Variants in DEFB118 observed in about 807,000 individuals in gnomAD.
The protein encoded by DEFB118 is defensin, beta 18.
DEFB118 carries 3 observed loss-of-function variants against 2.8 expected under a neutral mutation model. The ratio of observed to expected loss-of-function variants is 1.09; its 90% CI spans 0.50 to 2.82. The LOEUF (loss-of-function observed/expected upper bound fraction) is 2.82, where lower values mean the gene tolerates loss of function less well. Among genes scored for constraint, DEFB118 ranks in the 30% most tolerant of loss-of-function variants. The probability of loss-of-function intolerance (pLI) is 0.04; values close to 1 mark genes in which losing one functional copy is unlikely to be tolerated. For missense variants in DEFB118, 159 were observed against 144.6 expected (o/e 1.10, Z -0.51); for synonymous variants, 63 against 53.5 (o/e 1.18, Z -0.78).
At chr20:31,372,420 G>A (rs527766805) in intron 1 of DEFB118, among the ~76,000 whole-genome samples, 19 of 152,152 alleles carry the variant, frequency 1.2e-4, no homozygotes, top group South Asian at 1.2e-3. Context: ...GTGGTGGCGC[G>A]TGCCTGTAGT....
chr20:31,371,654 C>T (rs1986212970), intron 1 of DEFB118, among the ~76,000 whole-genome samples: 1 of 151,822 alleles, frequency 6.6e-6, no homozygotes, highest in Admixed American at 6.6e-5. Context: ...TATTTTTGGA[C>T]ATATGCTTAT....
Position 31,373,703 on chromosome 20 carries a change from A to G in DEFB118, c.*533A>G, listed in dbSNP as rs896735138. 6.4e-6 allele frequency: 1 copy of G among 155,920 alleles called. No homozygotes were observed. Among genetic ancestry groups the G allele is most frequent in the African/African-American group, 2.4e-5 (1 of 41,442 alleles). 9.7% of individuals were successfully genotyped at this position (155,920 alleles called of 1,614,324 possible). ...TGGCCGCCCCAGGTGTGAGCTATGA[A>G]GACTCCTTTTTGCCCCAGTGGCTTT... On this transcript the variant is annotated 3_prime_UTR_variant, in exon 2 of 2. Coordinates refer to ENST00000253381, the MANE Select transcript of DEFB118 (RefSeq NM_054112.3).
chr20:31,372,959 G>A lies in DEFB118; in HGVS notation c.161G>A (p.Cys54Tyr), dbSNP rs770422931. The A allele has an allele frequency of 2.5e-6, 4 of 1,614,180 alleles. No individual in the cohort carries two copies. The highest frequency in any genetic ancestry group is 1.6e-4 in the Middle Eastern group (1 of 6,062). ...VKDTCKNLRA[C>Y]CIPSNEDHRR... is the part of the protein sequence containing the mutation. ...GATACATGCAAAAATCTTCGAGCTT[G>A]CTGCATTCCATCCAATGAAGACCAC... Residue 54 changes from cysteine to tyrosine, a missense_variant, in exon 2 of 2, where the codon TGC (cysteine) becomes TAC (tyrosine). Transcript: ENST00000253381.
chr20:31,371,817 A>T (rs569004323), intron 1 of DEFB118, among the ~76,000 whole-genome samples: 1 of 152,214 alleles, frequency 6.6e-6, no homozygotes, highest in African/African-American at 2.4e-5. Context: ...CCCAATAGGT[A>T]GTTTTTCATC....
intron 1 of DEFB118, among the ~76,000 whole-genome samples, chr20:31,371,154 A>G (rs1446004969): frequency 3.9e-5 from 6 of 152,162 alleles, no homozygotes; most frequent in East Asian, 1.9e-4. Flanking sequence ...AACTTACTCT[A>G]TACTCACCAT....
At chr20:31,370,067 C>G (rs1986187659) in intron 1 of DEFB118, among the ~76,000 whole-genome samples, 1 of 152,100 alleles carries the variant, frequency 6.6e-6, no homozygotes, top group Non-Finnish European at 1.5e-5. Flanking sequence ...TCCCACTGCA[C>G]ACAGCGTTCT....
chr20:31,373,523 G>T lies in DEFB118; in HGVS notation c.*353G>T, dbSNP rs1408739519. On this transcript the variant is annotated 3_prime_UTR_variant, in exon 2 of 2. Transcript: ENST00000253381. ...AGCTGTCTTCATGGCAGCATAAGTGGTCATGATCAAAATTCTAAATCTTTG... is the reference window on the plus strand; with the variant it reads ...AGCTGTCTTCATGGCAGCATAAGTGTTCATGATCAAAATTCTAAATCTTTG... 1.4e-5 allele frequency: 3 copies of T among 216,972 alleles called. No individual in the cohort carries two copies. Among genetic ancestry groups the T allele is most frequent in the Non-Finnish European group, 9.2e-6 (1 of 108,450 alleles). The allele number at this position is 216,972 out of a possible 1,614,324, so 13.4% of individuals were successfully genotyped here. A position where few individuals can be genotyped will look rare whatever the true frequency, so the allele number is the denominator to read the frequency against.
intron 1 of DEFB118, among the ~76,000 whole-genome samples, chr20:31,371,008 C>T (rs1464928880): frequency 6.6e-6 from 1 of 152,162 alleles, no homozygotes; most frequent in Non-Finnish European, 1.5e-5. Flanking sequence ...GCCTCAGCCT[C>T]CCTCGTGCTG....
chr20:31,371,879 C>T (rs924822440), intron 1 of DEFB118, among the ~76,000 whole-genome samples: 2 of 151,988 alleles, frequency 1.3e-5, no homozygotes, highest in African/African-American at 4.8e-5. Context: ...GTCCATTATA[C>T]CACTCTGTAC....
Position 31,373,139 on chromosome 20 carries a change from C to T in DEFB118, c.341C>T (p.Thr114Ile), listed in dbSNP as rs779923182. The change falls in exon 2 of 2, where the codon ACC (threonine) becomes ATC (isoleucine). Residue 114 changes from threonine (T) to isoleucine (I), a missense_variant. Coordinates refer to ENST00000253381, the MANE Select transcript of DEFB118 (RefSeq NM_054112.3). The stretch of plus-strand genomic sequence containing the variant: ...TCTGAGGCGGGAAGGGGAACTGAGA[C>T]CTCTCTTCCAAATGTTCACCATAGC... ...EESEAGRGTE[T>I]SLPNVHHSS 3.7e-6 allele frequency: 6 copies of T among 1,613,694 alleles called. No individual in the cohort carries two copies. The highest frequency in any genetic ancestry group is 1.6e-4 in the Middle Eastern group (1 of 6,084).
At chr20:31,369,385 G>GGT (rs1555824414) in intron 1 of DEFB118, among the ~76,000 whole-genome samples, 5 of 103,916 alleles carry the variant, frequency 4.8e-5, no homozygotes, top group African/African-American at 1.9e-4. Flanking sequence ...GCACTCTTGT[G>GGT]TTTTTTTTTT....
chr20:31,369,188 C>T (rs140056692), intron 1 of DEFB118, among the ~76,000 whole-genome samples: 50 of 152,276 alleles, frequency 3.3e-4, no homozygotes, highest in South Asian at 1.0e-3. Flanking sequence ...CTAAGCTTTT[C>T]ATAATCACTG....
chr20:31,369,385 GTTTTTTT>G (rs71185357), intron 1 of DEFB118, among the ~76,000 whole-genome samples: 2 of 103,916 alleles, frequency 1.9e-5, no homozygotes, highest in African/African-American at 3.8e-5. Context: ...GCACTCTTGT[GTTTTTTT>G]TTTTTTTTTT....
In DEFB118 at chr20:31,373,133, C is replaced by A. The variant is rs201983196; in HGVS notation, c.335C>A (p.Thr112Asn). The A allele has an allele frequency of 1.2e-6, 2 of 1,613,834 alleles. No homozygotes were observed. Among genetic ancestry groups the A allele is most frequent in the Non-Finnish European group, 1.7e-6 (2 of 1,179,994 alleles). Reference sequence around the variant, plus strand: ...GAAGAGTCTGAGGCGGGAAGGGGAACTGAGACCTCTCTTCCAAATGTTCAC... The same window carrying A: ...GAAGAGTCTGAGGCGGGAAGGGGAAATGAGACCTCTCTTCCAAATGTTCAC... Reference protein sequence around the residue: ...MVEESEAGRGTETSLPNVHHS... With the variant: ...MVEESEAGRGNETSLPNVHHS... Residue 112 changes from threonine to asparagine, a missense_variant, in exon 2 of 2, where the codon ACT becomes AAT. Coordinates refer to ENST00000253381, the MANE Select transcript of DEFB118 (RefSeq NM_054112.3).
At chr20:31,372,508 C>T (rs1297144161) in intron 1 of DEFB118, among the ~76,000 whole-genome samples, 2 of 152,068 alleles carry the variant, frequency 1.3e-5, no homozygotes, top group African/African-American at 4.8e-5. Context: ...GAGATCATGC[C>T]ACTGCACTCC....
intron 1 of DEFB118, 38 bp downstream of exon 1, chr20:31,368,746 T>G (rs1377024636): frequency 1.9e-6 from 3 of 1,594,786 alleles, no homozygotes; most frequent in Non-Finnish European, 2.6e-6. Flanking sequence ...AATAGAGGTA[T>G]AGTGGGTTCT....
chr20:31,369,385 GTTT>G (rs71185357), intron 1 of DEFB118, among the ~76,000 whole-genome samples: 2 of 103,916 alleles, frequency 1.9e-5, no homozygotes, highest in Non-Finnish European at 3.7e-5. Flanking sequence ...GCACTCTTGT[GTTT>G]TTTTTTTTTT....
At chr20:31,369,389 T>TG (rs1018970319) in intron 1 of DEFB118, among the ~76,000 whole-genome samples, 3 of 144,122 alleles carry the variant, frequency 2.1e-5, no homozygotes, top group African/African-American at 8.1e-5. Context: ...TCTTGTGTTT[T>TG]TTTTTTTTTT....
intron 1 of DEFB118, among the ~76,000 whole-genome samples, chr20:31,369,253 G>C (rs12479542): frequency 0.032 from 4,892 of 152,214 alleles, 104 homozygotes; most frequent in Middle Eastern, 0.051. Flanking sequence ...CTGGTGAAGA[G>C]AGCCTGTTTC....
Sources: allele counts gnomAD v4.1 joint callset (sites outside exome capture counted in the v4.1 genomes callset), GRCh38; gene constraint gnomAD v4.1.1; transcripts MANE v1.5; gene names NCBI Gene and HGNC (gene_info 2026-07-23, HGNC 2026-07-21).